Variants in NCKAP5 observed in about 807,000 individuals in gnomAD.
The protein encoded by NCKAP5 is nck-associated protein 5.
Under a neutral mutation model 167.0 loss-of-function variants are expected in NCKAP5, and 92 were observed. The ratio of observed to expected loss-of-function variants is 0.55; its 90% CI spans 0.47 to 0.66. The LOEUF is 0.66. Among genes scored for constraint, NCKAP5 ranks in the 30% least tolerant of loss-of-function variants. The pLI is 0.00. For missense variants in NCKAP5, 2,378 were observed against 2,315.0 expected (o/e 1.03, Z -0.56); for synonymous variants, 891 against 877.4 (o/e 1.02, Z -0.27).
At chr2:133,076,450 A>G (rs1318245457) in intron 6 of NCKAP5, among the ~76,000 whole-genome samples, 1 of 152,180 alleles carries the variant, frequency 6.6e-6, no homozygotes, top group Non-Finnish European at 1.5e-5. Flanking sequence ...ATCTTTTACA[A>G]TCACACGATC....
the NCKAP5 span, among the ~76,000 whole-genome samples, chr2:133,659,662 G>A: frequency 6.6e-6 from 1 of 152,168 alleles, no homozygotes; most frequent in African/African-American, 2.4e-5. Context: ...GACTGCTAAT[G>A]TGTACAAGGT....
At chr2:132,756,552 T>C (rs1478402467) in intron 16 of NCKAP5, among the ~76,000 whole-genome samples, 1 of 152,170 alleles carries the variant, frequency 6.6e-6, no homozygotes, top group Admixed American at 6.5e-5. Flanking sequence ...CCAACAGTTT[T>C]AAATCTCCTT....
At position 132,869,904 on chromosome 2, in the gene NCKAP5, T is replaced by C. The variant is rs1481893092; in HGVS notation, c.649-930A>G. Among the ~76,000 whole-genome samples, 11 of 152,242 alleles carry C rather than the reference T, an allele frequency of 7.2e-5. 1 individual carries two copies. The East Asian group carries it at 1.5e-3, about 21-fold the overall frequency. On this transcript the variant is annotated intron_variant, in intron 9 of 19. Transcript: ENST00000409261. Reference sequence around the variant, plus strand: ...TATGTGGTGGAAATAAGGTAGTCACTGTTATTTTGAGTTTCTTCCAGCGAA... The same window carrying C: ...TATGTGGTGGAAATAAGGTAGTCACCGTTATTTTGAGTTTCTTCCAGCGAA...
At chr2:133,400,513 G>A (rs1688030353) in intron 3 of NCKAP5, among the ~76,000 whole-genome samples, 1 of 152,176 alleles carries the variant, frequency 6.6e-6, no homozygotes, top group Non-Finnish European at 1.5e-5. Flanking sequence ...AGATGACCAT[G>A]TGGGGATGGA....
chr2:133,416,771 C>G (rs920400452), intron 3 of NCKAP5, among the ~76,000 whole-genome samples: 2 of 152,194 alleles, frequency 1.3e-5, no homozygotes, highest in Non-Finnish European at 2.9e-5. Flanking sequence ...CTCAGACTCA[C>G]CATTCCGAGC....
At chr2:132,950,042 C>G (rs904524564) in intron 8 of NCKAP5, among the ~76,000 whole-genome samples, 1 of 151,952 alleles carries the variant, frequency 6.6e-6, no homozygotes, top group South Asian at 2.1e-4. Flanking sequence ...TGCAGTGAGC[C>G]GAGATCATGC....
At chr2:132,864,421 A>C (rs922102428) in intron 10 of NCKAP5, among the ~76,000 whole-genome samples, 2 of 152,102 alleles carry the variant, frequency 1.3e-5, no homozygotes, top group African/African-American at 2.4e-5. Context: ...TGCACTCTTC[A>C]TGTTACTATC....
chr2:132,700,932 G>A (rs141496164), intron 19 of NCKAP5, among the ~76,000 whole-genome samples: 1 of 122,420 alleles, frequency 8.2e-6, no homozygotes, highest in South Asian at 2.4e-4. Context: ...CCCCTGGGCG[G>A]GGGGGGGGGC....
the NCKAP5 span, among the ~76,000 whole-genome samples, chr2:133,655,139 T>C: frequency 6.6e-6 from 1 of 152,234 alleles, no homozygotes; most frequent in Non-Finnish European, 1.5e-5. Flanking sequence ...GTCTCCCAAA[T>C]GCAGCAACTT....
rs1309512574 is a variant in NCKAP5, at chr2:132,994,167, A to G, written c.414T>C (p.Asn138=). 3 of 1,579,874 alleles carry G rather than the reference A, an allele frequency of 1.9e-6. No homozygotes were observed. The highest frequency in any genetic ancestry group is 2.3e-5 in the South Asian group (2 of 86,258). The change falls in exon 7 of 20, where the codon AAT becomes AAC. Residue 138 remains asparagine (N), a synonymous_variant. Coordinates refer to ENST00000409261, the MANE Select transcript of NCKAP5 (RefSeq NM_207363.3). The part of the protein sequence containing the change: ...SPEQKKEETV[N]IMVYQEKLSE... The stretch of plus-strand genomic sequence containing the variant: ...CATGGTGTACCTGATAGACCATTAT[A>G]TTAACAGTTTCTTCTTTTTTCTGCT...
intron 4 of NCKAP5, among the ~76,000 whole-genome samples, chr2:133,249,977 T>C (rs1225394018): frequency 7.5e-6 from 1 of 132,914 alleles, no homozygotes; most frequent in African/African-American, 2.8e-5. Context: ...AGGCAGAACA[T>C]GTAAAGCCAC....
chr2:133,528,850 C>G (rs1199965928), intron 2 of NCKAP5, among the ~76,000 whole-genome samples: 1 of 152,198 alleles, frequency 6.6e-6, no homozygotes, highest in African/African-American at 2.4e-5. Context: ...AGGGCTTGCC[C>G]ATCTCTTCTT....
chr2:133,138,894 C>A (rs771989488), intron 5 of NCKAP5, among the ~76,000 whole-genome samples: 2 of 152,146 alleles, frequency 1.3e-5, no homozygotes, highest in Admixed American at 1.3e-4. Context: ...GCTCCTACCC[C>A]CTGCATGAGC....
chr2:132,754,728 G>T (rs1680392787), intron 16 of NCKAP5, among the ~76,000 whole-genome samples: 1 of 152,150 alleles, frequency 6.6e-6, no homozygotes, highest in Admixed American at 6.5e-5. Context: ...GTAAATTCTT[G>T]ATTATTTACA....
At chr2:133,377,863 T>G (rs561876220) in intron 3 of NCKAP5, among the ~76,000 whole-genome samples, 1 of 152,256 alleles carries the variant, frequency 6.6e-6, no homozygotes, top group African/African-American at 2.4e-5. Flanking sequence ...AGCCCCAAAC[T>G]GGCCTTGGAT....
At chr2:133,130,558 GTTAATTA>G (rs1196625077) in intron 5 of NCKAP5, among the ~76,000 whole-genome samples, 1 of 152,188 alleles carries the variant, frequency 6.6e-6, no homozygotes, top group Admixed American at 6.5e-5. Flanking sequence ...AAAATTTCAA[GTTAATTA>G]GAATGTGAAG....
chr2:133,115,586 G>A (rs1301547326), intron 6 of NCKAP5, among the ~76,000 whole-genome samples: 1 of 151,604 alleles, frequency 6.6e-6, no homozygotes, highest in Admixed American at 6.6e-5. Flanking sequence ...GGTTTATTAA[G>A]AGAAATTTAG....
chr2:133,466,786 T>G lies in NCKAP5; in HGVS notation c.69+50672A>C, dbSNP rs1449233869. ...TCTTTGAAGCAATTGTGAATGGGAG[T>G]TCACTCATGATTTGGCTCTCTGTTT... is the stretch of plus-strand genomic sequence containing the variant. On this transcript the variant is annotated intron_variant, in intron 3 of 19. Transcript: ENST00000409261. 5.3e-5 allele frequency among the ~76,000 whole-genome samples: 8 copies of G among 151,884 alleles called. No homozygotes were observed. The East Asian group carries it at 7.7e-4, about 15-fold the overall frequency.
intron 6 of NCKAP5, among the ~76,000 whole-genome samples, chr2:133,032,151 G>C (rs2078900218): frequency 6.6e-6 from 1 of 152,064 alleles, no homozygotes; most frequent in African/African-American, 2.4e-5. Context: ...GGGGAGAAAA[G>C]CACCAAGCAG....
Sources: gnomAD v4.1 joint callset for allele counts (sites outside exome capture counted in the v4.1 genomes callset) on GRCh38, gnomAD v4.1.1 for gene constraint, MANE v1.5 for transcripts, NCBI Gene and HGNC (gene_info 2026-07-23, HGNC 2026-07-21) for gene names.